Variants in CRIM1 observed in about 807,000 individuals in gnomAD.
The protein encoded by CRIM1 is cysteine-rich motor neuron 1 protein.
CRIM1 carries 32 observed loss-of-function variants against 116.4 expected under a neutral mutation model. The observed-to-expected ratio is 0.27, with a 90% CI of 0.21 to 0.37. CRIM1 has a LOEUF of 0.37. CRIM1 is among the 10% of genes least tolerant of loss of function. The pLI, the probability that CRIM1 is intolerant of heterozygous loss-of-function variation, is 1.00. For synonymous variants in CRIM1, 590 were observed against 509.2 expected, an observed-to-expected ratio of 1.16 and a Z score of -2.13; for missense variants, 1,331 against 1,354.8, an observed-to-expected ratio of 0.98 and a Z score of 0.28.
At chr2:36,405,134 C>T (rs931697197) in intron 2 of CRIM1, among the ~76,000 whole-genome samples, 3 of 152,038 alleles carry the variant, frequency 2.0e-5, no homozygotes, top group South Asian at 2.1e-4. Flanking sequence ...AATATTATGC[C>T]ATTTTTTATT....
At chr2:36,375,113 T>TGTATGCTTTGCATATGCC (rs370460716) in intron 1 of CRIM1, among the ~76,000 whole-genome samples, 2,260 of 152,226 alleles carry the variant, frequency 0.015, 28 homozygotes, top group Non-Finnish European at 0.024. Context: ...ATTTGCAACT[T>TGTATGCTTTGCATATGCC]GTATGCTTTG....
chr2:36,539,860 G>T (rs994222349), intron 14 of CRIM1, among the ~76,000 whole-genome samples: 1 of 152,152 alleles, frequency 6.6e-6, no homozygotes, highest in Non-Finnish European at 1.5e-5. Flanking sequence ...TGGGCTTCAG[G>T]AAAGAAACTG....
At chr2:36,436,151 C>T (rs995150057) in intron 2 of CRIM1, among the ~76,000 whole-genome samples, 2 of 151,186 alleles carry the variant, frequency 1.3e-5, no homozygotes, top group South Asian at 2.1e-4. Context: ...AGAATAGAGA[C>T]AGAGAAGAAT....
chr2:36,378,652 TA>T (rs952901756), intron 1 of CRIM1: 3 of 204,508 alleles, frequency 1.5e-5, no homozygotes, highest in African/African-American at 6.8e-5. Context: ...GTCCTAAAGG[TA>T]AAAGATTTTG....
chr2:36,387,159 T>G (rs1671228829), intron 1 of CRIM1, among the ~76,000 whole-genome samples: 1 of 152,188 alleles, frequency 6.6e-6, no homozygotes, highest in African/African-American at 2.4e-5. Context: ...CCTTGCTGGG[T>G]GTTACTTACA....
intron 4 of CRIM1, among the ~76,000 whole-genome samples, chr2:36,451,540 T>G (rs1370505200): frequency 6.6e-6 from 1 of 152,212 alleles, no homozygotes; most frequent in Non-Finnish European, 1.5e-5. Context: ...TTCTTATTCC[T>G]CTGTTCTGGA....
At chr2:36,505,095 T>C (rs1433758291) in intron 8 of CRIM1, among the ~76,000 whole-genome samples, 1 of 152,228 alleles carries the variant, frequency 6.6e-6, no homozygotes, top group African/African-American at 2.4e-5. Context: ...CCTTGTTTTA[T>C]TTCACTGTAA....
intron 7 of CRIM1, among the ~76,000 whole-genome samples, chr2:36,480,109 A>G (rs1192347318): frequency 6.6e-6 from 1 of 152,214 alleles, no homozygotes; most frequent in Non-Finnish European, 1.5e-5. Flanking sequence ...GACTGGAACC[A>G]TGAAAGCCAA....
chr2:36,408,859 C>G (rs1673006485), intron 2 of CRIM1, among the ~76,000 whole-genome samples: 1 of 151,758 alleles, frequency 6.6e-6, no homozygotes. Context: ...TTAGCATAAA[C>G]TCACAGACAG....
intron 1 of CRIM1, among the ~76,000 whole-genome samples, chr2:36,371,043 C>G (rs1410897896): frequency 6.6e-6 from 1 of 152,132 alleles, no homozygotes; most frequent in Admixed American, 6.6e-5. Flanking sequence ...GAGATGTGGT[C>G]AACACATTCT....
At chr2:36,359,096 T>G (rs1352024083) in intron 1 of CRIM1, among the ~76,000 whole-genome samples, 2 of 152,232 alleles carry the variant, frequency 1.3e-5, no homozygotes, top group African/African-American at 2.4e-5. Context: ...TCCCTCAGTT[T>G]CCATTTTTAT....
intron 5 of CRIM1, 109 bp from the exon 6 acceptor site, chr2:36,476,780 C>G: frequency 1.2e-6 from 1 of 817,872 alleles, no homozygotes. Context: ...AAATTTCCAT[C>G]AACTTATAAC....
chr2:36,483,408 A>G (rs1203869544), intron 7 of CRIM1, among the ~76,000 whole-genome samples: 1 of 152,192 alleles, frequency 6.6e-6, no homozygotes, highest in Non-Finnish European at 1.5e-5. Context: ...GTTATGTGTC[A>G]GGTTTAAGTG....
At position 36,509,851 on chromosome 2, in the gene CRIM1, A is replaced by C. The variant is rs772733964; in HGVS notation, c.1502-132A>C. 10 of 729,986 alleles carry C rather than the reference A, an allele frequency of 1.4e-5. 1 individual carries two copies. The highest frequency in any genetic ancestry group is 1.8e-5 in the African/African-American group (1 of 57,022). The allele number at this position is 729,986 out of a possible 1,614,324, so 45.2% of individuals were successfully genotyped here. A position where few individuals can be genotyped will look rare whatever the true frequency, so the allele number is the denominator to read the frequency against. On this transcript the variant is annotated intron_variant, in intron 8 of 16. Coordinates refer to ENST00000280527, the MANE Select transcript of CRIM1 (RefSeq NM_016441.3). ...AGCACAGTCTATGCTTTTTAATGAT[A>C]ACCAGTGCCATGGTAGAGCTGAGAA... is the stretch of plus-strand genomic sequence containing the variant.
At chr2:36,458,556 A>AG (rs1310792065) in intron 4 of CRIM1, among the ~76,000 whole-genome samples, 2 of 152,114 alleles carry the variant, frequency 1.3e-5, no homozygotes, top group Admixed American at 6.6e-5. Context: ...GTTCTTTAGT[A>AG]GGGAAAAAAA....
At position 36,522,217 on chromosome 2, in the gene CRIM1, A is replaced by G. The variant is rs1434008381; in HGVS notation, c.2332A>G (p.Ile778Val). The change falls in exon 13 of 17, where the codon ATT becomes GTT. Residue 778 changes from isoleucine to valine, a missense_variant. Physicochemically the swap from Ile to Val is conservative, Grantham distance 29. This residue lies in a region of CRIM1 where 358 missense variants were observed against 436.1 expected (regional missense o/e 0.82). Coordinates refer to ENST00000280527, the MANE Select transcript of CRIM1 (RefSeq NM_016441.3). ...KPDVCTSCIC[I>V]DSVISCFSES... ...TGACGTTTGTACCAGCTGCATCTGCATTGATAGCGTAATTAGCTGTTTCTC... is the reference window on the plus strand; with the variant it reads ...TGACGTTTGTACCAGCTGCATCTGCGTTGATAGCGTAATTAGCTGTTTCTC... The G allele has an allele frequency of 1.2e-6, 2 of 1,614,032 alleles. No individual in the cohort carries two copies. Among genetic ancestry groups the G allele is most frequent in the Non-Finnish European group, 1.7e-6 (2 of 1,180,036 alleles).
At chr2:36,485,195 G>A (rs1413973439) in intron 7 of CRIM1, among the ~76,000 whole-genome samples, 2 of 152,134 alleles carry the variant, frequency 1.3e-5, no homozygotes, top group African/African-American at 4.8e-5. Flanking sequence ...TCTGGGTTTA[G>A]GATGGAATGT....
chr2:36,518,235 C>T (rs1261207884), intron 12 of CRIM1, among the ~76,000 whole-genome samples: 1 of 152,070 alleles, frequency 6.6e-6, no homozygotes, highest in East Asian at 1.9e-4. Flanking sequence ...TTAATTAATA[C>T]TAGATGTGAC....
intron 7 of CRIM1, among the ~76,000 whole-genome samples, chr2:36,492,345 G>A (rs534803836): frequency 3.3e-5 from 5 of 152,264 alleles, no homozygotes; most frequent in Admixed American, 2.0e-4. Flanking sequence ...AATGTGTAGC[G>A]GCTAAAAGAA....
Sources: gnomAD v4.1 joint callset for allele counts (sites outside exome capture counted in the v4.1 genomes callset) on GRCh38, gnomAD v4.1.1 for gene constraint, gnomAD v4.1.1 regional missense constraint, MANE v1.5 for transcripts, NCBI Gene and HGNC (gene_info 2026-07-23, HGNC 2026-07-21) for gene names.